Variants in PATJ observed in about 807,000 individuals in gnomAD.
PATJ encodes the protein inaD-like protein.
In PATJ, 190 loss-of-function variants were observed where a neutral mutation model predicts 224.9. The ratio of observed to expected loss-of-function variants is 0.84; its 90% confidence interval spans 0.75 to 0.95. The LOEUF is 0.95. Among genes scored for constraint, PATJ ranks in the 40% least tolerant of loss-of-function variants. The probability of loss-of-function intolerance (pLI) is 0.00; values close to 1 mark genes in which losing one functional copy is unlikely to be tolerated. For synonymous variants in PATJ, 769 were observed against 820.3 expected (o/e 0.94, Z 1.07); for missense variants, 2,121 against 2,270.3 (o/e 0.93, Z 1.34).
In PATJ at chr1:61,827,487, AC is replaced by A; in HGVS notation, c.1889del (p.Pro630LeufsTer17). ...EAVSFLKEVP[P>X]PFTLVCCRRL... Reference sequence around the variant, plus strand: ...CAGTCTCCTTTCTTAAAGAAGTGCCACCCCCTTTTACTTTGGTTTGCTGTCG... The same window carrying A: ...CAGTCTCCTTTCTTAAAGAAGTGCCACCCCTTTTACTTTGGTTTGCTGTCG... On this transcript the variant is annotated frameshift_variant, in exon 16 of 44. Coordinates refer to ENST00000642238, the MANE Select transcript of PATJ (RefSeq NM_001350145.3). LOFTEE classifies it high-confidence loss of function. The A allele has an allele frequency of 6.2e-7, 1 of 1,613,484 alleles. No individual in the cohort carries two copies. Among genetic ancestry groups the A allele is most frequent in the Non-Finnish European group, 8.5e-7 (1 of 1,179,838 alleles).
intron 28 of PATJ, among the ~76,000 whole-genome samples, chr1:62,002,436 G>A (rs1364590515): frequency 1.3e-5 from 2 of 152,170 alleles, no homozygotes; most frequent in East Asian, 1.9e-4. Flanking sequence ...GCGGGGCGCA[G>A]TGGCTCACAC....
intron 22 of PATJ, among the ~76,000 whole-genome samples, chr1:61,895,847 T>C (rs948372824): frequency 6.6e-6 from 1 of 152,084 alleles, no homozygotes; most frequent in African/African-American, 2.4e-5. Context: ...GGAAAAGCTG[T>C]AGGCACTCAC....
At chr1:62,106,839 C>T (rs553488098) in intron 33 of PATJ, among the ~76,000 whole-genome samples, 14 of 152,116 alleles carry the variant, frequency 9.2e-5, no homozygotes, top group Non-Finnish European at 1.8e-4. Context: ...CTATAGGTGT[C>T]AGCCTCTAGG....
intron 32 of PATJ, among the ~76,000 whole-genome samples, chr1:62,081,387 G>A (rs2148738869): frequency 6.6e-6 from 1 of 152,178 alleles, no homozygotes; most frequent in African/African-American, 2.4e-5. Flanking sequence ...GCTGGGTTTG[G>A]GGCTGGATTC....
chr1:61,802,867 T>G (rs1652823506), intron 12 of PATJ, among the ~76,000 whole-genome samples: 1 of 152,188 alleles, frequency 6.6e-6, no homozygotes. Flanking sequence ...AAAAGTGCTC[T>G]GGAAAGCCTC....
chr1:62,048,545 C>CAAAAAAAAAA (rs773157635), intron 30 of PATJ, among the ~76,000 whole-genome samples: 187 of 66,060 alleles, frequency 2.8e-3, no homozygotes, highest in East Asian at 5.1e-3. Context: ...GACTCTGTCT[C>CAAAAAAAAAA]AAAAAAAAAA....
intron 33 of PATJ, among the ~76,000 whole-genome samples, chr1:62,091,191 T>C (rs1265507110): frequency 6.6e-6 from 1 of 152,178 alleles, no homozygotes; most frequent in Middle Eastern, 3.2e-3. Flanking sequence ...TAGGACCCTC[T>C]TTCTATGCAT....
At chr1:62,037,049 G>A (rs913607314) in intron 29 of PATJ, among the ~76,000 whole-genome samples, 3 of 152,020 alleles carry the variant, frequency 2.0e-5, no homozygotes, top group African/African-American at 4.8e-5. Flanking sequence ...GTTGGATTTC[G>A]AATGCCCTCC....
chr1:62,109,425 G>A (rs919148196), intron 34 of PATJ, among the ~76,000 whole-genome samples: 1 of 152,186 alleles, frequency 6.6e-6, no homozygotes, highest in African/African-American at 2.4e-5. Flanking sequence ...GGAGAGGCCA[G>A]GCTGATTGCA....
chr1:61,869,770 T>C (rs1457651055), intron 20 of PATJ, among the ~76,000 whole-genome samples: 3 of 152,208 alleles, frequency 2.0e-5, no homozygotes, highest in African/African-American at 4.8e-5. Flanking sequence ...ACCATCTGAC[T>C]GCTTTGGCAC....
chr1:61,882,744 C>G (rs1668277447), intron 21 of PATJ, among the ~76,000 whole-genome samples: 1 of 152,286 alleles, frequency 6.6e-6, no homozygotes, highest in South Asian at 2.1e-4. Context: ...CTCCACCAAG[C>G]CTGGCTAATG....
At chr1:61,997,538 G>A (rs572776520) in intron 28 of PATJ, among the ~76,000 whole-genome samples, 1 of 152,294 alleles carries the variant, frequency 6.6e-6, no homozygotes, top group South Asian at 2.1e-4. Flanking sequence ...GTGCTGAATA[G>A]GGAATTGAGC....
rs954904542 is a variant in PATJ, at chr1:62,161,680, C to G, written c.*626C>G. ...ACCAACTGGTTCTGATTATATTTAC[C>G]AAAACTGGAGTTAACTTCTCTTTCC... On this transcript the variant is annotated 3_prime_UTR_variant, in exon 44 of 44. Coordinates refer to ENST00000642238, the MANE Select transcript of PATJ (RefSeq NM_001350145.3). The G allele has an allele frequency of 1.3e-5, 2 of 152,102 alleles. No homozygotes were observed. The highest frequency in any genetic ancestry group is 2.9e-5 in the Non-Finnish European group (2 of 68,046). The allele number at this position is 152,102 out of a possible 1,614,324, so 9.4% of individuals were successfully genotyped here.
At chr1:61,978,196 T>TCTTCCTTCCTTC (rs142507580) in intron 27 of PATJ, among the ~76,000 whole-genome samples, 8 of 137,876 alleles carry the variant, frequency 5.8e-5, no homozygotes, top group African/African-American at 2.2e-4. Context: ...CATCTTCATA[T>TCTTCCTTCCTTC]CTTCCTTCCT....
rs764472543 is a variant in PATJ, at chr1:62,128,895, G to A, written c.5221G>A (p.Ala1741Thr). ...NGQPLDGLSH[A>T]DVVNLLKNAY... ...GCAACCTTTGGATGGGCTGTCTCAC[G>A]CGGATGTGGTTAATCTGCTGAAGAA... Residue 1741 changes from alanine to threonine, a missense_variant, in exon 41 of 44, where the codon GCG (alanine) becomes ACG (threonine). Physicochemically the swap from Ala to Thr is moderately conservative, Grantham distance 58. Transcript: ENST00000642238. 8 of 1,613,542 alleles carry A rather than the reference G, an allele frequency of 5.0e-6. No individual in the cohort carries two copies. The highest frequency in any genetic ancestry group is 4.5e-5 in the East Asian group (2 of 44,886).
chr1:61,877,146 G>A (rs191709165), intron 21 of PATJ, among the ~76,000 whole-genome samples: 351 of 152,238 alleles, frequency 2.3e-3, no homozygotes, highest in African/African-American at 8.1e-3. Context: ...AGCTTCAGGA[G>A]GGTGAGGACT....
intron 1 of PATJ, among the ~76,000 whole-genome samples, chr1:61,750,212 T>G (rs1003661598): frequency 6.6e-6 from 1 of 152,202 alleles, no homozygotes; most frequent in Non-Finnish European, 1.5e-5. Flanking sequence ...TAGGTTGTAC[T>G]CTTAGAACCA....
chr1:62,114,852 G>A (rs1664271783), intron 35 of PATJ: 1 of 151,436 alleles, frequency 6.6e-6, no homozygotes, highest in Admixed American at 6.6e-5. Flanking sequence ...GATCATGCCT[G>A]TGAATAGCCA....
rs571484499 is a variant in PATJ, at chr1:61,830,279, A to T, written c.1980+2696A>T. On this transcript the variant is annotated intron_variant, in intron 16 of 43. Transcript: ENST00000642238. ...CCATTCACATAGCCACAAAAAGAAC[A>T]AAATAACTGGAATACAGCTAACTAG... 2.5e-4 allele frequency among the ~76,000 whole-genome samples: 38 copies of T among 152,350 alleles called. 1 individual carries two copies. The South Asian group carries it at 7.7e-3, about 31-fold the overall frequency.
Sources: gnomAD v4.1 joint callset for allele counts (sites outside exome capture counted in the v4.1 genomes callset) on GRCh38, gnomAD v4.1.1 for gene constraint, MANE v1.5 for transcripts, NCBI Gene and HGNC (gene_info 2026-07-23, HGNC 2026-07-21) for gene names.